Variants in GATAD2B observed in about 807,000 individuals in gnomAD.
GATAD2B encodes GATA zinc finger domain containing 2B, also known as transcriptional repressor p66-beta.
A neutral mutation model predicts 64.3 loss-of-function variants in GATAD2B; 8 were observed. The ratio of observed to expected loss-of-function variants is 0.12; its 90% CI spans 0.07 to 0.22. The LOEUF (loss-of-function observed/expected upper bound fraction) is 0.22. GATAD2B is among the 10% of genes least tolerant of loss of function. The pLI, the probability that GATAD2B is intolerant of heterozygous loss-of-function variation, is 1.00. For missense variants in GATAD2B, 453 were observed against 752.0 expected (o/e 0.60, Z 4.65); for synonymous variants, 281 against 271.3 (o/e 1.04, Z -0.35).
intron 1 of GATAD2B, among the ~76,000 whole-genome samples, chr1:153,840,068 T>C (rs549878020): frequency 5.2e-4 from 77 of 147,736 alleles, no homozygotes; most frequent in African/African-American, 1.9e-3. Context: ...GTCTCACTCT[T>C]GTTGCCCAGG....
intron 1 of GATAD2B, among the ~76,000 whole-genome samples, chr1:153,876,609 T>C (rs1570981357): frequency 6.6e-6 from 1 of 152,172 alleles, no homozygotes; most frequent in East Asian, 1.9e-4. Context: ...CTAGAGGTAA[T>C]GAACAGGAGG....
intron 1 of GATAD2B, 98 bp from the exon 2 acceptor site, chr1:153,828,446 TCTCACACATACACACACACA>T: frequency 1.4e-6 from 1 of 715,378 alleles, no homozygotes; most frequent in Non-Finnish European, 2.3e-6. Flanking sequence ...AGAATCTCTC[TCTCACACATACACACACACA>T]CACACACACA....
At chr1:153,918,471 C>T (rs1346485401) in intron 1 of GATAD2B, among the ~76,000 whole-genome samples, 4 of 152,170 alleles carry the variant, frequency 2.6e-5, no homozygotes, top group Non-Finnish European at 5.9e-5. Flanking sequence ...TGCAATCCTT[C>T]ACAATTATAA....
chr1:153,919,600 T>C (rs1264982872), intron 1 of GATAD2B, among the ~76,000 whole-genome samples: 1 of 152,154 alleles, frequency 6.6e-6, no homozygotes, highest in African/African-American at 2.4e-5. Flanking sequence ...CCAAATAATA[T>C]GGCTAATAGA....
At chr1:153,880,365 G>A (rs552515244) in intron 1 of GATAD2B, among the ~76,000 whole-genome samples, 10 of 152,096 alleles carry the variant, frequency 6.6e-5, no homozygotes, top group African/African-American at 2.4e-4. Context: ...TTCTCGGGAG[G>A]CAGAGGCACA....
intron 1 of GATAD2B, among the ~76,000 whole-genome samples, chr1:153,894,765 G>A (rs1276017801): frequency 6.6e-6 from 1 of 152,246 alleles, no homozygotes; most frequent in African/African-American, 2.4e-5. Context: ...GGCAGGCTGA[G>A]GCAGGAGAAT....
At chr1:153,819,543 T>G in intron 3 of GATAD2B, 63 bp downstream of exon 3, 1 of 1,167,948 alleles carries the variant, frequency 8.6e-7, no homozygotes, top group South Asian at 1.5e-5. Flanking sequence ...ACTAAATCTC[T>G]TGAGGAATTA....
chr1:153,840,441 A>G (rs1428279805), intron 1 of GATAD2B, among the ~76,000 whole-genome samples: 1 of 149,474 alleles, frequency 6.7e-6, no homozygotes, highest in Non-Finnish European at 1.5e-5. Context: ...GGGTTCAAGC[A>G]ATTCTCCTGC....
intron 1 of GATAD2B, among the ~76,000 whole-genome samples, chr1:153,847,278 T>C (rs186885056): frequency 6.6e-6 from 1 of 152,236 alleles, no homozygotes; most frequent in African/African-American, 2.4e-5. Flanking sequence ...GGAACTTCTA[T>C]TTTTAATGTC....
intron 1 of GATAD2B, among the ~76,000 whole-genome samples, chr1:153,883,082 T>C (rs1475682816): frequency 3.9e-5 from 6 of 152,158 alleles, no homozygotes; most frequent in Non-Finnish European, 8.8e-5. Context: ...CTCCCATGAA[T>C]ATGTCATTCC....
chr1:153,905,476 A>G (rs1219872369), intron 1 of GATAD2B, among the ~76,000 whole-genome samples: 1 of 151,830 alleles, frequency 6.6e-6, no homozygotes, highest in African/African-American at 2.4e-5. Context: ...CCAAAGTAAA[A>G]AACTATGTGA....
At chr1:153,907,860 A>T (rs1016915754) in intron 1 of GATAD2B, among the ~76,000 whole-genome samples, 2 of 152,134 alleles carry the variant, frequency 1.3e-5, no homozygotes, top group Non-Finnish European at 2.9e-5. Flanking sequence ...GCTGGAGTGC[A>T]GTGGCATGAT....
At position 153,806,857 on chromosome 1, in the gene GATAD2B, T is replaced by A. The variant is rs935281459; in HGVS notation, c.*3320A>T. ...AGGGAAAAGGAACAAAAGTAAAATA[T>A]CAAGAAGCATCTTTACAAAGCAGTT... On this transcript the variant is annotated 3_prime_UTR_variant, in exon 11 of 11. Coordinates refer to ENST00000368655, the MANE Select transcript of GATAD2B (RefSeq NM_020699.4). 6.6e-6 allele frequency: 1 copy of A among 152,288 alleles called. No homozygotes were observed. Among genetic ancestry groups the A allele is most frequent in the African/African-American group, 2.4e-5 (1 of 41,422 alleles). 9.4% of individuals were successfully genotyped at this position (152,288 alleles called of 1,614,324 possible). A position where few individuals can be genotyped will look rare whatever the true frequency, so the allele number is the denominator to read the frequency against.
intron 1 of GATAD2B, among the ~76,000 whole-genome samples, chr1:153,883,949 T>C (rs1274805219): frequency 6.6e-6 from 1 of 152,058 alleles, no homozygotes; most frequent in South Asian, 2.1e-4. Flanking sequence ...AGCTAAATCA[T>C]ACTCACCCAA....
intron 4 of GATAD2B, among the ~76,000 whole-genome samples, chr1:153,818,376 C>T (rs12733265): frequency 2.0e-5 from 3 of 146,822 alleles, no homozygotes; most frequent in Non-Finnish European, 4.5e-5. Flanking sequence ...GTGCAGTGGC[C>T]TGATCTCGGC....
intron 1 of GATAD2B, chr1:153,852,562 G>A (rs2101911917): frequency 2.6e-6 from 2 of 771,188 alleles, no homozygotes; most frequent in East Asian, 2.4e-5. Context: ...ACCCATGAGA[G>A]CTAGAGCTTA....
chr1:153,842,118 T>C (rs1027321266), intron 1 of GATAD2B, among the ~76,000 whole-genome samples: 7 of 152,190 alleles, frequency 4.6e-5, no homozygotes, highest in African/African-American at 1.7e-4. Flanking sequence ...CGACTTGAAG[T>C]GTGTGCCACT....
chr1:153,867,292 C>T (rs1041194096), intron 1 of GATAD2B, among the ~76,000 whole-genome samples: 3 of 152,098 alleles, frequency 2.0e-5, no homozygotes, highest in African/African-American at 7.2e-5. Flanking sequence ...CCCCAAACTG[C>T]TTATTATACT....
intron 2 of GATAD2B, among the ~76,000 whole-genome samples, chr1:153,821,087 TC>T (rs1674668555): frequency 7.2e-6 from 1 of 139,250 alleles, no homozygotes; most frequent in East Asian, 2.4e-4. Context: ...CCCAAGAGAT[TC>T]CCCCCGCCTC....
Sources: gnomAD v4.1 joint callset for allele counts (sites outside exome capture counted in the v4.1 genomes callset) on GRCh38, gnomAD v4.1.1 for gene constraint, MANE v1.5 for transcripts, NCBI Gene and HGNC (gene_info 2026-07-23, HGNC 2026-07-21) for gene names.